The following GABRG2 variants were observed in gnomAD, a reference collection of about 807,000 sequenced individuals.
GABRG2 encodes gamma-aminobutyric acid receptor subunit gamma-2.
GABRG2 carries 16 observed loss-of-function variants against 56.4 expected under a neutral mutation model. The ratio of observed to expected loss-of-function variants is 0.28; its 90% CI spans 0.19 to 0.43. The LOEUF is 0.43. Among genes scored for constraint, GABRG2 ranks in the 20% least tolerant of loss-of-function variants. GABRG2 has a pLI of 1.00. For synonymous variants in GABRG2, 208 were observed against 205.5 expected (o/e 1.01, Z -0.10); for missense variants, 327 against 582.7 (o/e 0.56, Z 4.52).
intron 6 of GABRG2, among the ~76,000 whole-genome samples, chr5:162,109,953 A>G (rs186312668): frequency 6.6e-6 from 1 of 152,250 alleles, no homozygotes; most frequent in East Asian, 1.9e-4. Context: ...CCAAATCAGA[A>G]TACCATTAAA....
intron 1 of GABRG2, among the ~76,000 whole-genome samples, chr5:162,089,206 G>C (rs1004816852): frequency 6.6e-6 from 1 of 152,042 alleles, no homozygotes; most frequent in Non-Finnish European, 1.5e-5. Flanking sequence ...ACATGCAAAG[G>C]TTCTGGAGTT....
intron 1 of GABRG2, among the ~76,000 whole-genome samples, chr5:162,079,735 G>A (rs1298891919): frequency 6.6e-6 from 1 of 151,860 alleles, no homozygotes; most frequent in East Asian, 1.9e-4. Context: ...CAAGGTAATT[G>A]TGTACCCAGA....
chr5:162,093,722 C>T, intron 1 of GABRG2, 106 bp from the exon 2 acceptor site: 1 of 1,085,000 alleles, frequency 9.2e-7, no homozygotes, highest in South Asian at 1.3e-5. Flanking sequence ...TCAGTTTAAA[C>T]ATTTCTTTTA....
chr5:162,068,189 A>G, intron 1 of GABRG2, 83 bp downstream of exon 1: 1 of 901,840 alleles, frequency 1.1e-6, no homozygotes, highest in Non-Finnish European at 1.8e-6. Flanking sequence ...GAGACCACCC[A>G]GATTTAAAAC....
intron 6 of GABRG2, among the ~76,000 whole-genome samples, chr5:162,111,346 G>A (rs2113420947): frequency 6.6e-6 from 1 of 152,214 alleles, no homozygotes; most frequent in African/African-American, 2.4e-5. Context: ...TGTATGCTGT[G>A]TTAAAAATCA....
Position 162,108,070 on chromosome 5 carries a change from A to G in GABRG2, c.769+4044A>G, listed in dbSNP as rs573426792. ...GTAAATGATCTGCTTTCTCATAACC[A>G]TAGTTAACATTTACTATTAACACAG... On this transcript the variant is annotated intron_variant, in intron 6 of 9. Transcript: ENST00000639213. 7.9e-5 allele frequency among the ~76,000 whole-genome samples: 12 copies of G among 152,324 alleles called. No individual in the cohort carries two copies. In the South Asian group the frequency reaches 1.0e-3, roughly 13 times the overall value.
intron 6 of GABRG2, among the ~76,000 whole-genome samples, chr5:162,112,058 A>C (rs1762289911): frequency 6.6e-6 from 1 of 152,238 alleles, no homozygotes; most frequent in African/African-American, 2.4e-5. Context: ...ACTACTCACA[A>C]GTTAAGTGGA....
intron 6 of GABRG2, among the ~76,000 whole-genome samples, chr5:162,107,493 C>T (rs1365630879): frequency 6.6e-6 from 1 of 152,150 alleles, no homozygotes; most frequent in Non-Finnish European, 1.5e-5. Context: ...AGAAGCATTT[C>T]ATATGAGAGA....
At chr5:162,144,380 G>C (rs906795918) in intron 7 of GABRG2, among the ~76,000 whole-genome samples, 1 of 152,098 alleles carries the variant, frequency 6.6e-6, no homozygotes, top group Non-Finnish European at 1.5e-5. Context: ...ATGACTTCTT[G>C]GGTAACTCAT....
At chr5:162,078,389 ATATATATATTTTTTTTTT>A (rs1288680238) in intron 1 of GABRG2, among the ~76,000 whole-genome samples, 2 of 31,156 alleles carry the variant, frequency 6.4e-5, no homozygotes, top group Non-Finnish European at 1.2e-4. Flanking sequence ...ATATATATAT[ATATATATATTTTTTTTTT>A]TTTTTTTTTT....
chr5:162,080,938 G>A (rs941539340), intron 1 of GABRG2, among the ~76,000 whole-genome samples: 4 of 152,082 alleles, frequency 2.6e-5, no homozygotes, highest in African/African-American at 9.7e-5. Flanking sequence ...TGTTTTTACA[G>A]AGCTAAATAC....
chr5:162,067,975 C>G lies in GABRG2; in HGVS notation c.-25C>G, dbSNP rs765592275. The G allele has an allele frequency of 6.7e-7, 1 of 1,484,852 alleles. No homozygotes were observed. Among genetic ancestry groups the G allele is most frequent in the East Asian group, 2.3e-5 (1 of 44,072 alleles). The allele number at this position is 1,484,852 out of a possible 1,614,324, so 92.0% of individuals were successfully genotyped here. A position where few individuals can be genotyped will look rare whatever the true frequency, so the allele number is the denominator to read the frequency against. On this transcript the variant is annotated 5_prime_UTR_variant, in exon 1 of 10. Transcript: ENST00000639213. ...TCTTCTGCAACCAAGAGGCAAGAGG[C>G]GAGAGAAGGAAAAAAAAAAAAGCGA...
Position 162,153,317 on chromosome 5 carries a change from T to C in GABRG2, c.1377T>C (p.Thr459=). The change falls in exon 10 of 10, where the codon ACT becomes ACC. Residue 459 remains threonine (T), a synonymous_variant. Transcript: ENST00000639213. ...CCTATGCTCGGATCTTCTTCCCCAC[T>C]GCCTTCTGCCTGTTTAATCTGGTCT... ...MDSYARIFFP[T]AFCLFNLVYW... The C allele has an allele frequency of 1.2e-6, 2 of 1,614,052 alleles. No homozygotes were observed. The highest frequency in any genetic ancestry group is 1.3e-5 in the African/African-American group (1 of 75,026).
intron 6 of GABRG2, among the ~76,000 whole-genome samples, chr5:162,114,581 T>A (rs1581388028): frequency 6.6e-6 from 1 of 151,934 alleles, no homozygotes; most frequent in South Asian, 2.1e-4. Flanking sequence ...GCAAAGAGGA[T>A]TTTTCTATCA....
rs538985964 is a variant in GABRG2, at chr5:162,100,288, T to C, written c.549-947T>C. ...ATAGAATGATAGATTCTTAATTCTG[T>C]TCAATTAAAAATTATACTAATTAGA... On this transcript the variant is annotated intron_variant, in intron 4 of 9. Transcript: ENST00000639213. 1.7e-4 allele frequency: 26 copies of C among 152,286 alleles called. No individual in the cohort carries two copies. The South Asian group carries it at 5.4e-3, about 32-fold the overall frequency. The allele number at this position is 152,286 out of a possible 1,614,324, so 9.4% of individuals were successfully genotyped here. A position where few individuals can be genotyped will look rare whatever the true frequency, so the allele number is the denominator to read the frequency against.
intron 6 of GABRG2, among the ~76,000 whole-genome samples, chr5:162,135,673 T>C (rs959848182): frequency 4.6e-5 from 7 of 152,162 alleles, no homozygotes; most frequent in African/African-American, 1.7e-4. Context: ...GCTTCTTTCA[T>C]GATGAGATAC....
At chr5:162,146,180 C>T (rs1764935726) in intron 7 of GABRG2, among the ~76,000 whole-genome samples, 1 of 152,006 alleles carries the variant, frequency 6.6e-6, no homozygotes, top group Non-Finnish European at 1.5e-5. Context: ...AGTCAGGAAT[C>T]TACAATAGGT....
intron 6 of GABRG2, among the ~76,000 whole-genome samples, chr5:162,114,451 C>T (rs1472750818): frequency 1.3e-5 from 2 of 151,950 alleles, no homozygotes; most frequent in African/African-American, 4.8e-5. Flanking sequence ...GCAGGAGAAT[C>T]GCTTGAACCC....
Position 162,115,778 on chromosome 5 carries a change from G to A in GABRG2, c.769+11752G>A, listed in dbSNP as rs550656963. On this transcript the variant is annotated intron_variant, in intron 6 of 9. Coordinates refer to ENST00000639213, the MANE Select transcript of GABRG2 (RefSeq NM_198904.4). ...TTTTAATATCTTAATTGTATAAATT[G>A]GCTGAACTTGTATAGTCCTGTGAGT... Among the ~76,000 whole-genome samples the A allele has an allele frequency of 3.3e-5, 5 of 152,018 alleles. No individual in the cohort carries two copies. The East Asian group carries it at 9.7e-4, about 29-fold the overall frequency.
Sources: allele counts gnomAD v4.1 joint callset (sites outside exome capture counted in the v4.1 genomes callset), GRCh38; gene constraint gnomAD v4.1.1; transcripts MANE v1.5; gene names NCBI Gene and HGNC (gene_info 2026-07-23, HGNC 2026-07-21).